EIF4G3: variants seen among roughly 807,000 people sequenced by gnomAD.
EIF4G3 encodes eIF-4-gamma 3.
Under a neutral mutation model 186.4 loss-of-function variants are expected in EIF4G3, and 34 were observed. The observed-to-expected ratio is 0.18, with a 90% confidence interval of 0.14 to 0.24. EIF4G3 has a LOEUF of 0.24. Among genes scored for constraint, EIF4G3 ranks in the 10% least tolerant of loss-of-function variants. EIF4G3 has a pLI of 1.00. For synonymous variants in EIF4G3, 673 were observed against 679.5 expected (o/e 0.99, Z 0.15); for missense variants, 1,536 against 1,948.5 (o/e 0.79, Z 3.99).
chr1:21,021,620 A>G (rs1011920864), intron 4 of EIF4G3, among the ~76,000 whole-genome samples: 1 of 151,950 alleles, frequency 6.6e-6, no homozygotes, highest in African/African-American at 2.4e-5. Context: ...CAGGGGTGCA[A>G]TCTCGGCTCA....
At chr1:21,016,779 C>A (rs566706207) in intron 4 of EIF4G3, among the ~76,000 whole-genome samples, 5 of 152,174 alleles carry the variant, frequency 3.3e-5, no homozygotes, top group African/African-American at 1.2e-4. Flanking sequence ...ACCAGCCTGA[C>A]CAATACGGTG....
chr1:20,975,393 A>C lies in EIF4G3; in HGVS notation c.494-2294T>G, dbSNP rs141165570. ...CTTAAAAAAAACAAAAAACAAAAAA[A>C]AAAAAAACCTGGATTCTTCTCATGA... On this transcript the variant is annotated intron_variant, in intron 10 of 36. Transcript: ENST00000602326. 1.6e-3 allele frequency among the ~76,000 whole-genome samples: 240 copies of C among 151,932 alleles called. 1 individual carries two copies. Among genetic ancestry groups the C allele is most frequent in the African/African-American group, 4.5e-3 (187 of 41,528 alleles).
intron 4 of EIF4G3, among the ~76,000 whole-genome samples, chr1:21,011,630 G>C (rs2087125472): frequency 6.6e-6 from 1 of 152,006 alleles, no homozygotes; most frequent in African/African-American, 2.4e-5. Flanking sequence ...AAGGATCTGT[G>C]GTATTACCCT....
chr1:21,021,498 T>TAA (rs568673747), intron 4 of EIF4G3, among the ~76,000 whole-genome samples: 13 of 152,172 alleles, frequency 8.5e-5, no homozygotes, highest in Non-Finnish European at 1.9e-4. Context: ...GCCAAGCATG[T>TAA]AACAGGTATA....
chr1:20,909,248 T>C (rs948888615), intron 14 of EIF4G3, among the ~76,000 whole-genome samples: 2 of 152,188 alleles, frequency 1.3e-5, no homozygotes, highest in Admixed American at 1.3e-4. Context: ...GACAGGGATA[T>C]AATGCATCCT....
intron 14 of EIF4G3, among the ~76,000 whole-genome samples, chr1:20,907,066 T>C (rs1359575024): frequency 6.6e-6 from 1 of 152,210 alleles, no homozygotes; most frequent in African/African-American, 2.4e-5. Context: ...TTTAAGATAC[T>C]GTCTTAGATT....
At chr1:21,166,123 C>CTTTTTTTTTTTTTTTTTTTTTTTTTT (rs1573668577) in intron 2 of EIF4G3, among the ~76,000 whole-genome samples, 2 of 105,552 alleles carry the variant, frequency 1.9e-5, no homozygotes, top group African/African-American at 5.9e-5. Context: ...CTTTTTTTTC[C>CTTTTTTTTTTTTTTTTTTTTTTTTTT]TTTTAAAAAT....
chr1:20,997,932 AC>A (rs766749236), intron 6 of EIF4G3, among the ~76,000 whole-genome samples: 18 of 145,998 alleles, frequency 1.2e-4, no homozygotes, highest in Non-Finnish European at 2.1e-4. Context: ...AAAAAAAAAA[AC>A]CCTAAAATAA....
intron 2 of EIF4G3, among the ~76,000 whole-genome samples, chr1:21,093,892 G>A (rs2096276647): frequency 6.6e-6 from 1 of 152,020 alleles, no homozygotes; most frequent in South Asian, 2.1e-4. Context: ...CTCATAGGTG[G>A]GAATTGAACA....
chr1:20,942,702 CT>C (rs2095769578), intron 13 of EIF4G3, among the ~76,000 whole-genome samples: 3 of 152,078 alleles, frequency 2.0e-5, no homozygotes, highest in Non-Finnish European at 4.4e-5. Flanking sequence ...CCCTAAAAAA[CT>C]TTTTTTCCAA....
At chr1:20,827,965 A>G (rs2064049513) in intron 31 of EIF4G3, among the ~76,000 whole-genome samples, 1 of 151,818 alleles carries the variant, frequency 6.6e-6, no homozygotes, top group Admixed American at 6.6e-5. Context: ...TGTTTATGTA[A>G]GTTCTGCTTC....
chr1:20,928,023 A>G (rs1423934269), intron 14 of EIF4G3, among the ~76,000 whole-genome samples: 1 of 151,888 alleles, frequency 6.6e-6, no homozygotes, highest in East Asian at 1.9e-4. Flanking sequence ...ATGCTTGGCT[A>G]ATTTTTTATT....
intron 3 of EIF4G3, among the ~76,000 whole-genome samples, chr1:21,086,665 C>T (rs866283271): frequency 6.6e-6 from 1 of 151,682 alleles, no homozygotes; most frequent in Non-Finnish European, 1.5e-5. Context: ...TGAGGTGGGG[C>T]GCAGTGTCTC....
intron 4 of EIF4G3, among the ~76,000 whole-genome samples, chr1:21,032,121 T>C (rs898418797): frequency 6.6e-6 from 1 of 152,220 alleles, no homozygotes; most frequent in Admixed American, 6.5e-5. Context: ...TAAACCTCCA[T>C]GGACTTCATC....
chr1:21,128,301 G>A (rs1368925010), intron 2 of EIF4G3, among the ~76,000 whole-genome samples: 2 of 151,786 alleles, frequency 1.3e-5, no homozygotes, highest in Non-Finnish European at 2.9e-5. Flanking sequence ...CTGAGATCAG[G>A]AGTTTGAGAC....
intron 33 of EIF4G3, among the ~76,000 whole-genome samples, chr1:20,824,777 C>T (rs2063195737): frequency 6.6e-6 from 1 of 152,210 alleles, no homozygotes; most frequent in Non-Finnish European, 1.5e-5. Flanking sequence ...CTTCTGGCTG[C>T]TTCTGGCCTG....
At chr1:21,037,722 T>C (rs2093319465) in intron 4 of EIF4G3, among the ~76,000 whole-genome samples, 1 of 152,226 alleles carries the variant, frequency 6.6e-6, no homozygotes, top group Admixed American at 6.5e-5. Flanking sequence ...CAATTCACTT[T>C]GCTTGTATAA....
chr1:20,829,764 A>G (rs1167663868), intron 30 of EIF4G3, among the ~76,000 whole-genome samples: 1 of 152,220 alleles, frequency 6.6e-6, no homozygotes, highest in Non-Finnish European at 1.5e-5. Flanking sequence ...AAAAAACTGG[A>G]TGGATATAAA....
intron 14 of EIF4G3, among the ~76,000 whole-genome samples, chr1:20,927,175 C>A (rs2094963985): frequency 6.6e-6 from 1 of 151,746 alleles, no homozygotes; most frequent in Admixed American, 6.6e-5. Context: ...TCCTGAGTAG[C>A]TGGGATTACA....
Sources: gnomAD v4.1 joint callset for allele counts (sites outside exome capture counted in the v4.1 genomes callset) on GRCh38, gnomAD v4.1.1 for gene constraint, MANE v1.5 for transcripts, NCBI Gene and HGNC (gene_info 2026-07-23, HGNC 2026-07-21) for gene names.